The following ABCC12 variants were observed in gnomAD, a reference collection of about 807,000 sequenced individuals.
ABCC12 encodes ATP-binding cassette sub-family C member 12.
A neutral mutation model predicts 151.1 loss-of-function variants in ABCC12; 142 were observed. The ratio of observed to expected loss-of-function variants is 0.94; its 90% CI spans 0.82 to 1.08. The LOEUF is 1.08. Among genes scored for constraint, ABCC12 ranks in the 50% least tolerant of loss-of-function variants. The probability of loss-of-function intolerance (pLI) is 0.00; values close to 1 mark genes in which losing one functional copy is unlikely to be tolerated. For missense variants in ABCC12, 1,638 were observed against 1,691.1 expected (o/e 0.97, Z 0.55); for synonymous variants, 645 against 646.4 (o/e 1.00, Z 0.03).
At chr16:48,118,701 G>A (rs769728091) in intron 13 of ABCC12, among the ~76,000 whole-genome samples, 4 of 152,184 alleles carry the variant, frequency 2.6e-5, no homozygotes, top group Non-Finnish European at 5.9e-5. Context: ...TTGCACACAG[G>A]CCCCAAAACA....
intron 12 of ABCC12, among the ~76,000 whole-genome samples, chr16:48,123,003 G>C (rs1387118059): frequency 6.6e-6 from 1 of 152,226 alleles, no homozygotes; most frequent in Non-Finnish European, 1.5e-5. Context: ...GGGGAACCCA[G>C]GCTGTCCAGA....
intron 8 of ABCC12, among the ~76,000 whole-genome samples, chr16:48,134,628 C>T (rs1191816206): frequency 6.6e-6 from 1 of 152,162 alleles, no homozygotes; most frequent in Non-Finnish European, 1.5e-5. Context: ...GAGGAGGTCA[C>T]GCCCAAAGGC....
intron 4 of ABCC12, 92 bp downstream of exon 4, chr16:48,143,818 C>A: frequency 6.8e-7 from 1 of 1,477,492 alleles, no homozygotes; most frequent in Non-Finnish European, 9.1e-7. Context: ...GTCCATTAAA[C>A]CTCTTTTTCT....
rs144698142 is a variant in ABCC12 at position 48,099,008 on chromosome 16, G to A, written c.3038+1864C>T. On this transcript the variant is annotated intron_variant, in intron 23 of 30. Coordinates refer to ENST00000311303, the MANE Select transcript of ABCC12 (RefSeq NM_001393797.1). The stretch of plus-strand genomic sequence containing the variant: ...GACAAACGATGTTCAGGTCAAACTA[G>A]GGTCCGGACTAGGTGCTGACTGAAC... Among the ~76,000 whole-genome samples the A allele has an allele frequency of 2.5e-4, 38 of 152,324 alleles. No individual in the cohort carries two copies. In the East Asian group the frequency reaches 6.2e-3, roughly 25 times the overall value.
At chr16:48,086,862 G>A (rs2150580286) in intron 27 of ABCC12, 43 bp from the exon 28 acceptor site, 1 of 1,530,108 alleles carries the variant, frequency 6.5e-7, no homozygotes, top group East Asian at 2.3e-5. Context: ...AGATTTCCAA[G>A]GACGAGAGGA....
chr16:48,133,651 G>A (rs1331008925), intron 9 of ABCC12, 36 bp downstream of exon 9: 2 of 1,609,168 alleles, frequency 1.2e-6, no homozygotes, highest in Non-Finnish European at 1.7e-6. Flanking sequence ...CCGGGGTCAG[G>A]TTGTGAAAGA....
At position 48,133,714 on chromosome 16, in the gene ABCC12, G is replaced by A. The variant is rs780019259; in HGVS notation, c.1101C>T (p.Leu367=). 2 of 1,614,092 alleles carry A rather than the reference G, an allele frequency of 1.2e-6. No homozygotes were observed. The highest frequency in any genetic ancestry group is 1.1e-5 in the South Asian group (1 of 91,078). ...AIVLTLSCHI[L]LRRKLTAPVA... ...CGGGTGCGGTGAGTTTGCGTCTCAG[G>A]AGGATGTGGCAGGATAATGTCAGCA... The change falls in exon 9 of 31, where the codon CTC becomes CTT. Residue 367 remains leucine (L), a synonymous_variant. Coordinates refer to ENST00000311303, the MANE Select transcript of ABCC12 (RefSeq NM_001393797.1).
chr16:48,134,425 GT>G (rs1964537781), intron 8 of ABCC12, among the ~76,000 whole-genome samples: 1 of 152,216 alleles, frequency 6.6e-6, no homozygotes, highest in African/African-American at 2.4e-5. Flanking sequence ...AGCCAAGGAA[GT>G]TAGAGTCACA....
chr16:48,088,670 C>T lies in ABCC12; in HGVS notation c.3350G>A (p.Arg1117His), dbSNP rs942154147. Residue 1117 changes from arginine to histidine, a missense_variant, in exon 26 of 31, where the codon CGT becomes CAT. By Grantham distance (29) the Arg-to-His change is conservative. Transcript: ENST00000311303. ...VGTCPKDWPSRGEITFRDYQM... is the reference protein window; with the variant it reads ...VGTCPKDWPSHGEITFRDYQM... ...ATAGTCTCTGAAGGTGATCTCCCCA[C>T]GGCTGGGCCAGTCCTTGGGACAGGT... 1.2e-5 allele frequency: 20 copies of T among 1,614,086 alleles called. No homozygotes were observed. Among genetic ancestry groups the T allele is most frequent in the South Asian group, 4.4e-5 (4 of 91,086 alleles).
intron 11 of ABCC12, among the ~76,000 whole-genome samples, chr16:48,126,717 A>G (rs1429756338): frequency 1.3e-5 from 2 of 152,174 alleles, no homozygotes; most frequent in Non-Finnish European, 2.9e-5. Flanking sequence ...GCAGCTAGGA[A>G]GTGGCTGGGC....
chr16:48,121,532 G>A, intron 13 of ABCC12, 184 bp downstream of exon 13: 1 of 697,414 alleles, frequency 1.4e-6, no homozygotes, highest in Admixed American at 3.1e-5. Flanking sequence ...GTCTGCAGAA[G>A]TCGCCTCTCC....
chr16:48,105,132 G>T lies in ABCC12; in HGVS notation c.2673+7C>A, dbSNP rs919603486. On this transcript the variant is annotated splice_region_variant and intron_variant, in intron 21 of 30. Transcript: ENST00000311303. ...ACTGGGTACACCTGCAATGCTTGTG[G>T]CCCTACCTTATCAAACACCGTGTCA... The T allele has an allele frequency of 3.1e-6, 5 of 1,614,088 alleles. No homozygotes were observed. Among genetic ancestry groups the T allele is most frequent in the Non-Finnish European group, 4.2e-6 (5 of 1,180,004 alleles).
At chr16:48,148,378 A>G (rs950484179) in intron 2 of ABCC12, among the ~76,000 whole-genome samples, 4 of 152,052 alleles carry the variant, frequency 2.6e-5, no homozygotes, top group Non-Finnish European at 5.9e-5. Context: ...CAGGGACTAC[A>G]GGCGTGCACC....
chr16:48,091,233 G>C (rs761959762), intron 24 of ABCC12, 24 bp from the exon 25 acceptor site: 1 of 1,607,626 alleles, frequency 6.2e-7, no homozygotes, highest in South Asian at 1.1e-5. Flanking sequence ...GCGAGCAGCC[G>C]CAGTTAGAGC....
At chr16:48,102,022 C>T (rs1963325117) in intron 22 of ABCC12, among the ~76,000 whole-genome samples, 1 of 152,148 alleles carries the variant, frequency 6.6e-6, no homozygotes. Context: ...GAACCTAAGG[C>T]CAATTCACGC....
intron 22 of ABCC12, among the ~76,000 whole-genome samples, chr16:48,103,770 G>C (rs1037766214): frequency 6.6e-6 from 1 of 152,172 alleles, no homozygotes; most frequent in Non-Finnish European, 1.5e-5. Flanking sequence ...CCCCCGCCCC[G>C]ACACTGTGCA....
intron 3 of ABCC12, 37 bp from the exon 4 acceptor site, chr16:48,144,102 G>T: frequency 6.3e-7 from 1 of 1,587,318 alleles, no homozygotes; most frequent in Non-Finnish European, 8.6e-7. Context: ...TCCAGGCACT[G>T]GGGTCATTGC....
chr16:48,133,924 C>T, intron 8 of ABCC12, 89 bp from the exon 9 acceptor site: 2 of 1,488,354 alleles, frequency 1.3e-6, no homozygotes, highest in Non-Finnish European at 9.2e-7. Flanking sequence ...TGGTCCTCTT[C>T]CAGATGGGCG....
In ABCC12 at chr16:48,140,927, A is replaced by G; in HGVS notation, c.424-7T>C. The G allele has an allele frequency of 6.2e-7, 1 of 1,611,918 alleles. No homozygotes were observed. The highest frequency in any genetic ancestry group is 8.5e-7 in the Non-Finnish European group (1 of 1,178,442). On this transcript the variant is annotated splice_polypyrimidine_tract_variant and splice_region_variant and intron_variant, in intron 5 of 30. Coordinates refer to ENST00000311303, the MANE Select transcript of ABCC12 (RefSeq NM_001393797.1). ...TTTGGTGAATGAGAACTGTCTGTAAAACAGCATGGTGGGGAGAAGAGAGGG... is the reference window on the plus strand; with the variant it reads ...TTTGGTGAATGAGAACTGTCTGTAAGACAGCATGGTGGGGAGAAGAGAGGG...
Sources: gnomAD v4.1 joint callset for allele counts (sites outside exome capture counted in the v4.1 genomes callset) on GRCh38, gnomAD v4.1.1 for gene constraint, MANE v1.5 for transcripts, NCBI Gene and HGNC (gene_info 2026-07-23, HGNC 2026-07-21) for gene names.